Variants in RBFOX1 observed in about 807,000 individuals in gnomAD.
RBFOX1 encodes RNA binding protein fox-1 homolog 1.
In RBFOX1, 8 loss-of-function variants were observed where a neutral mutation model predicts 57.7. That is an observed-to-expected ratio of 0.14 (90% CI 0.08 to 0.25). The LOEUF is 0.25. Ranked by LOEUF, RBFOX1 falls within the 10% of genes least tolerant of loss-of-function variation. The pLI is 1.00. For synonymous variants in RBFOX1, 326 were observed against 222.4 expected (o/e 1.47, Z -4.15); for missense variants, 611 against 548.5 (o/e 1.11, Z -1.14).
At chr16:5,747,744 T>G (rs1225442175) in intron 3 of RBFOX1, among the ~76,000 whole-genome samples, 1 of 152,154 alleles carries the variant, frequency 6.6e-6, no homozygotes, top group Non-Finnish European at 1.5e-5. Context: ...TTATTTATTG[T>G]GTCTATTTGA....
chr16:7,270,653 A>C (rs1018105504), intron 4 of RBFOX1, among the ~76,000 whole-genome samples: 1 of 152,202 alleles, frequency 6.6e-6, no homozygotes, highest in Non-Finnish European at 1.5e-5. Flanking sequence ...TTGCTATTAG[A>C]CAAACCTCTA....
chr16:5,803,577 C>G (rs2055129296), intron 3 of RBFOX1, among the ~76,000 whole-genome samples: 1 of 152,304 alleles, frequency 6.6e-6, no homozygotes, highest in Admixed American at 6.5e-5. Flanking sequence ...CATTCATTCT[C>G]TCACTCCACA....
At position 6,151,446 on chromosome 16, in the gene RBFOX1, C is replaced by T. The variant is rs146782030; in HGVS notation, c.-127+131454C>T. On this transcript the variant is annotated intron_variant, in intron 1 of 15. Transcript: ENST00000550418. The stretch of plus-strand genomic sequence containing the variant: ...GATTACAGGCGCGCTTCACCACACC[C>T]GGCTAATTTTTGTATTTTTAGTAGA... 3.7e-3 allele frequency among the ~76,000 whole-genome samples: 561 copies of T among 152,092 alleles called. 6 individuals are homozygous for T. The highest frequency in any genetic ancestry group is 0.012 in the African/African-American group (504 of 41,500).
At chr16:6,189,112 A>G (rs1210441327) in intron 1 of RBFOX1, among the ~76,000 whole-genome samples, 2 of 152,216 alleles carry the variant, frequency 1.3e-5, no homozygotes, top group East Asian at 3.8e-4. Flanking sequence ...ATTCTAAACC[A>G]CCAAATGGTT....
At chr16:6,764,130 G>T (rs148995436) in intron 3 of RBFOX1, among the ~76,000 whole-genome samples, 17 of 152,268 alleles carry the variant, frequency 1.1e-4, no homozygotes, top group African/African-American at 4.1e-4. Context: ...TTTGCGTATG[G>T]AGAGGGAAAG....
intron 1 of RBFOX1, among the ~76,000 whole-genome samples, chr16:5,347,637 C>CACCCATCT (rs1213655086): frequency 4.6e-5 from 7 of 150,810 alleles, no homozygotes; most frequent in Non-Finnish European, 8.9e-5. Context: ...CACATCCACC[C>CACCCATCT]ACCCATCTAC....
chr16:7,615,400 C>T (rs1192822805), intron 10 of RBFOX1, among the ~76,000 whole-genome samples: 1 of 152,076 alleles, frequency 6.6e-6, no homozygotes, highest in Non-Finnish European at 1.5e-5. Flanking sequence ...TGCCACATGC[C>T]AGAGTTCATG....
chr16:6,249,055 T>C (rs142273206), intron 1 of RBFOX1, among the ~76,000 whole-genome samples: 90 of 152,208 alleles, frequency 5.9e-4, no homozygotes, highest in Non-Finnish European at 1.0e-3. Flanking sequence ...TCATTATACA[T>C]TTTGAGAATG....
chr16:5,437,273 C>T (rs951502165), intron 1 of RBFOX1, among the ~76,000 whole-genome samples: 2 of 152,134 alleles, frequency 1.3e-5, no homozygotes, highest in East Asian at 3.8e-4. Context: ...AGAAGAAAGC[C>T]AAAGTCATTG....
At chr16:7,482,543 T>G (rs1024902991) in intron 4 of RBFOX1, among the ~76,000 whole-genome samples, 32 of 34,500 alleles carry the variant, frequency 9.3e-4, no homozygotes, top group African/African-American at 3.9e-3. Flanking sequence ...TTGCCTGGGA[T>G]TTTTTTTTTT....
intron 2 of RBFOX1, among the ~76,000 whole-genome samples, chr16:6,370,892 A>G (rs545953228): frequency 6.6e-6 from 1 of 152,344 alleles, no homozygotes; most frequent in East Asian, 1.9e-4. Flanking sequence ...CAATATGTAA[A>G]TATAATGTCA....
chr16:7,278,760 G>A (rs944000261), intron 4 of RBFOX1, among the ~76,000 whole-genome samples: 2 of 152,104 alleles, frequency 1.3e-5, no homozygotes, highest in Non-Finnish European at 2.9e-5. Context: ...AATATCATTT[G>A]TTTAAAAAAT....
chr16:5,826,953 T>C (rs2056078539), intron 3 of RBFOX1, among the ~76,000 whole-genome samples: 1 of 152,200 alleles, frequency 6.6e-6, no homozygotes, highest in African/African-American at 2.4e-5. Flanking sequence ...CAGAAAACAG[T>C]TGTGTAGCTT....
At chr16:6,792,759 G>A (rs1017604974) in intron 3 of RBFOX1, among the ~76,000 whole-genome samples, 1 of 152,184 alleles carries the variant, frequency 6.6e-6, no homozygotes, top group Non-Finnish European at 1.5e-5. Flanking sequence ...GGGCCGGCAT[G>A]GTGGCTCACG....
intron 3 of RBFOX1, among the ~76,000 whole-genome samples, chr16:6,702,547 C>T (rs538750569): frequency 2.7e-5 from 2 of 74,762 alleles, no homozygotes; most frequent in African/African-American, 1.0e-4. Flanking sequence ...GAGCGAGAGT[C>T]CATCTCAAAA....
At chr16:7,514,227 G>A (rs1454379159) in intron 4 of RBFOX1, among the ~76,000 whole-genome samples, 1 of 151,950 alleles carries the variant, frequency 6.6e-6, no homozygotes, top group African/African-American at 2.4e-5. Flanking sequence ...AATGAGCATG[G>A]GTGTGTTCCA....
chr16:6,870,094 A>G (rs1355784918), intron 3 of RBFOX1, among the ~76,000 whole-genome samples: 1 of 152,094 alleles, frequency 6.6e-6, no homozygotes, highest in Admixed American at 6.5e-5. Context: ...TTCTTTTTGG[A>G]TGATGATAAT....
intron 2 of RBFOX1, among the ~76,000 whole-genome samples, chr16:6,590,802 T>G (rs2097699414): frequency 1.3e-5 from 2 of 152,030 alleles, no homozygotes; most frequent in South Asian, 4.2e-4. Context: ...ATATTTTGTT[T>G]CATAATACAT....
In RBFOX1 at chr16:6,246,688, G is replaced by C. The variant is rs142324986; in HGVS notation, c.-126-70307G>C. Among the ~76,000 whole-genome samples, 183 of 152,336 alleles carry C rather than the reference G, an allele frequency of 1.2e-3. 2 individuals carry two copies. The highest frequency in any genetic ancestry group is 3.4e-3 in the Middle Eastern group (1 of 294). On this transcript the variant is annotated intron_variant, in intron 1 of 15. Coordinates refer to ENST00000550418, the MANE Select transcript of RBFOX1 (RefSeq NM_018723.4). ...CAGTCATCTATGGAGGCAAGTGTCA[G>C]ACTTTGTGTTAGTATAACTGCGGAC...
Sources: gnomAD v4.1 joint callset for allele counts (sites outside exome capture counted in the v4.1 genomes callset) on GRCh38, gnomAD v4.1.1 for gene constraint, MANE v1.5 for transcripts, NCBI Gene and HGNC (gene_info 2026-07-23, HGNC 2026-07-21) for gene names.